TLN2: variants seen among roughly 807,000 people sequenced by gnomAD.
TLN2 encodes talin-2.
Under a neutral mutation model 294.7 loss-of-function variants are expected in TLN2, and 118 were observed. The ratio of observed to expected loss-of-function variants is 0.40; its 90% confidence interval spans 0.34 to 0.47. The LOEUF (loss-of-function observed/expected upper bound fraction) is 0.47, where lower values mean the gene tolerates loss of function less well. Among genes scored for constraint, TLN2 ranks in the 20% least tolerant of loss-of-function variants. TLN2 has a pLI of 0.84. For synonymous variants in TLN2, 1,431 were observed against 1,304.5 expected (o/e 1.10, Z -2.09); for missense variants, 3,083 against 3,282.2 (o/e 0.94, Z 1.48).
At chr15:62,650,817 A>C (rs2052505511) in intron 5 of TLN2, among the ~76,000 whole-genome samples, 1 of 152,210 alleles carries the variant, frequency 6.6e-6, no homozygotes, top group Admixed American at 6.5e-5. Flanking sequence ...AATTTGGATA[A>C]GAAATGAATA....
chr15:62,643,306 T>C (rs533167220), intron 3 of TLN2, among the ~76,000 whole-genome samples: 1 of 152,040 alleles, frequency 6.6e-6, no homozygotes, highest in South Asian at 2.1e-4. Context: ...AACTAAATCT[T>C]AATAAAATGG....
chr15:62,793,940 T>G (rs1272832007), intron 46 of TLN2, among the ~76,000 whole-genome samples: 1 of 151,924 alleles, frequency 6.6e-6, no homozygotes, highest in Non-Finnish European at 1.5e-5. Context: ...CAGTCTGGCC[T>G]TCTCCCATAG....
At chr15:62,615,846 G>A (rs896054818) in intron 2 of TLN2, among the ~76,000 whole-genome samples, 1 of 152,290 alleles carries the variant, frequency 6.6e-6, no homozygotes, top group East Asian at 1.9e-4. Context: ...GGAGGGGAGT[G>A]TGTGGGTTTC....
intron 1 of TLN2, among the ~76,000 whole-genome samples, chr15:62,469,666 C>T (rs1194331043): frequency 2.6e-5 from 4 of 152,198 alleles, no homozygotes; most frequent in African/African-American, 9.7e-5. Flanking sequence ...CTGGAGTTGG[C>T]ACTCTTGAGA....
At chr15:62,757,705 G>C (rs927847283) in intron 37 of TLN2, among the ~76,000 whole-genome samples, 5 of 152,170 alleles carry the variant, frequency 3.3e-5, no homozygotes, top group Admixed American at 3.3e-4. Flanking sequence ...CAGAACATCA[G>C]GGGAGGAATG....
chr15:62,708,807 G>A lies in TLN2; in HGVS notation c.2467+11G>A, dbSNP rs1283848127. 2 of 1,591,308 alleles carry A rather than the reference G, an allele frequency of 1.3e-6. No individual in the cohort carries two copies. Among genetic ancestry groups the A allele is most frequent in the Non-Finnish European group, 1.7e-6 (2 of 1,173,188 alleles). ...CCATGGGTGACGCTGGTAAGGCACT[G>A]TGCTGTGGGTGGGTGGATGGGTGGC... On this transcript the variant is annotated intron_variant, in intron 21 of 58. Transcript: ENST00000636159.
At chr15:62,838,835 T>C (rs2070178923) in intron 57 of TLN2, 21 bp from the exon 58 acceptor site, 1 of 1,612,664 alleles carries the variant, frequency 6.2e-7, no homozygotes, top group South Asian at 1.1e-5. Flanking sequence ...TGATATAATG[T>C]ATGTTTTGTT....
chr15:62,565,238 A>T (rs1056816333), intron 1 of TLN2, among the ~76,000 whole-genome samples: 7 of 152,176 alleles, frequency 4.6e-5, no homozygotes, highest in Non-Finnish European at 8.8e-5. Flanking sequence ...CCATTTTGAG[A>T]AGTATTTACG....
At chr15:62,498,754 T>G (rs1348069917) in intron 1 of TLN2, among the ~76,000 whole-genome samples, 1 of 152,174 alleles carries the variant, frequency 6.6e-6, no homozygotes, top group African/African-American at 2.4e-5. Context: ...TTCCTTATAG[T>G]TCTTTTCATA....
At chr15:62,529,270 AT>A (rs922198106) in intron 1 of TLN2, among the ~76,000 whole-genome samples, 3 of 151,650 alleles carry the variant, frequency 2.0e-5, no homozygotes, top group East Asian at 3.9e-4. Flanking sequence ...ATTAAAAAAA[AT>A]TTTTTTTGTA....
intron 29 of TLN2, among the ~76,000 whole-genome samples, chr15:62,737,989 G>T (rs2061119753): frequency 6.6e-6 from 1 of 152,202 alleles, no homozygotes; most frequent in Non-Finnish European, 1.5e-5. Context: ...GTGTCACTGT[G>T]TCGGACCCTT....
intron 54 of TLN2, 168 bp from the exon 55 acceptor site, chr15:62,833,336 G>A: frequency 9.7e-7 from 1 of 1,029,294 alleles, no homozygotes; most frequent in Non-Finnish European, 1.4e-6. Flanking sequence ...TTTGCACAGG[G>A]GACCTGTCAT....
intron 58 of TLN2, 87 bp downstream of exon 58, chr15:62,839,068 A>G (rs930813601): frequency 2.8e-5 from 43 of 1,516,402 alleles, no homozygotes; most frequent in Middle Eastern, 1.8e-4. Flanking sequence ...CTTCAAGATG[A>G]AAGTTTATTT....
At chr15:62,521,863 A>T (rs1276381079) in intron 1 of TLN2, among the ~76,000 whole-genome samples, 1 of 152,160 alleles carries the variant, frequency 6.6e-6, no homozygotes, top group East Asian at 1.9e-4. Flanking sequence ...AAATATTTCC[A>T]TTTCCTCAGT....
At chr15:62,463,456 A>T (rs2036929064) in intron 1 of TLN2, among the ~76,000 whole-genome samples, 1 of 152,224 alleles carries the variant, frequency 6.6e-6, no homozygotes, top group Admixed American at 6.5e-5. Flanking sequence ...AAGCCTAGCC[A>T]CCAAGAAGGT....
At chr15:62,830,654 G>A (rs542548215) in intron 54 of TLN2, 8 of 152,274 alleles carry the variant, frequency 5.3e-5, no homozygotes, top group South Asian at 2.1e-4. Context: ...ATGAGGACAC[G>A]TTAAGTATTG....
chr15:62,450,549 G>GTATGTATGTA (rs879530020), intron 1 of TLN2, among the ~76,000 whole-genome samples: 29 of 36,138 alleles, frequency 8.0e-4, no homozygotes, highest in African/African-American at 2.1e-3. Context: ...ATGTATGTAT[G>GTATGTATGTA]TGTGTGTGTG....
intron 19 of TLN2, among the ~76,000 whole-genome samples, chr15:62,706,060 C>T (rs375326291): frequency 5.3e-5 from 8 of 152,180 alleles, no homozygotes; most frequent in South Asian, 2.1e-4. Context: ...ACTGTAAAGA[C>T]GCTGTGGGTG....
At chr15:62,519,382 G>T (rs932671211) in intron 1 of TLN2, among the ~76,000 whole-genome samples, 1 of 152,168 alleles carries the variant, frequency 6.6e-6, no homozygotes, top group South Asian at 2.1e-4. Flanking sequence ...TTTTCTGTTA[G>T]TGTTCACACC....
Sources: gnomAD v4.1 joint callset for allele counts (sites outside exome capture counted in the v4.1 genomes callset) on GRCh38, gnomAD v4.1.1 for gene constraint, MANE v1.5 for transcripts, NCBI Gene and HGNC (gene_info 2026-07-23, HGNC 2026-07-21) for gene names.